The following MORF4L1 variants were observed in gnomAD, a reference collection of about 807,000 sequenced individuals.
MORF4L1 encodes the protein mortality factor 4-like protein 1.
MORF4L1 carries 4 observed loss-of-function variants against 52.9 expected under a neutral mutation model. That is an observed-to-expected ratio of 0.08 (90% confidence interval 0.04 to 0.17). The LOEUF (loss-of-function observed/expected upper bound fraction) is 0.17, where lower values mean the gene tolerates loss of function less well. Ranked by LOEUF, MORF4L1 falls within the 10% of genes least tolerant of loss-of-function variation. The pLI, the probability that MORF4L1 is intolerant of heterozygous loss-of-function variation, is 1.00. For synonymous variants in MORF4L1, 123 were observed against 134.8 expected, an observed-to-expected ratio of 0.91 and a Z score of 0.61; for missense variants, 214 against 390.4, an observed-to-expected ratio of 0.55 and a Z score of 3.81.
chr15:78,885,582 T>C (rs1284394706), intron 3 of MORF4L1, among the ~76,000 whole-genome samples: 1 of 152,238 alleles, frequency 6.6e-6, no homozygotes. Context: ...TGTTTGAGTA[T>C]TGTAGACTTC....
chr15:78,887,800 CAG>C (rs546644928), intron 5 of MORF4L1, among the ~76,000 whole-genome samples: 167 of 152,262 alleles, frequency 1.1e-3, no homozygotes, highest in African/African-American at 3.4e-3. Context: ...TTTTTTGAGA[CAG>C]AGTTTCCCTC....
intron 11 of MORF4L1, among the ~76,000 whole-genome samples, chr15:78,896,191 C>T (rs772402160): frequency 5.9e-5 from 9 of 151,832 alleles, no homozygotes; most frequent in Non-Finnish European, 1.0e-4. Context: ...GTTGGCCAGG[C>T]TGATCTTGAA....
chr15:78,878,648 A>G (rs80355224), intron 2 of MORF4L1, among the ~76,000 whole-genome samples: 1,866 of 152,362 alleles, frequency 0.012, 43 homozygotes, highest in African/African-American at 0.041. Context: ...GTAAAAGCCA[A>G]TATTAAAAAT....
chr15:78,881,189 CTTTTTTT>C (rs570514618), intron 3 of MORF4L1, among the ~76,000 whole-genome samples: 3 of 67,178 alleles, frequency 4.5e-5, no homozygotes, highest in East Asian at 5.8e-4. Context: ...AGAGTTAAGC[CTTTTTTT>C]TTTTTTTTTT....
chr15:78,886,657 A>G (rs896373658), intron 4 of MORF4L1, among the ~76,000 whole-genome samples: 2 of 152,288 alleles, frequency 1.3e-5, no homozygotes, highest in Non-Finnish European at 2.9e-5. Flanking sequence ...ATGTATTTTT[A>G]AAAAAATTAA....
At chr15:78,876,023 C>A (rs887863013) in intron 1 of MORF4L1, among the ~76,000 whole-genome samples, 1 of 151,440 alleles carries the variant, frequency 6.6e-6, no homozygotes, top group Non-Finnish European at 1.5e-5. Flanking sequence ...CTGCAGCCTC[C>A]GCCTCCTGGG....
At chr15:78,876,332 A>G (rs1567298282) in intron 1 of MORF4L1, among the ~76,000 whole-genome samples, 1 of 151,304 alleles carries the variant, frequency 6.6e-6, no homozygotes. Context: ...AATGGCGTGC[A>G]ATATATGTTG....
rs1057485655 is a variant in MORF4L1, at chr15:78,872,908, A to G, written c.-110A>G. ...CGCTGGCAAATCCGGCCCAGGATGT[A>G]GAGCTGGCAGTGCCTGACGGCGCGT... On this transcript the variant is annotated 5_prime_UTR_variant, in exon 1 of 12. The change abolishes the stop of an existing upstream ORF in the 5' untranslated region. Coordinates refer to ENST00000426013, the MANE Select transcript of MORF4L1 (RefSeq NM_006791.4). 3 of 1,477,466 alleles carry G rather than the reference A, an allele frequency of 2.0e-6. No individual in the cohort carries two copies. Among genetic ancestry groups the G allele is most frequent in the African/African-American group, 2.9e-5 (2 of 68,290 alleles). 91.5% of individuals were successfully genotyped at this position (1,477,466 alleles called of 1,614,324 possible).
intron 4 of MORF4L1, chr15:78,886,461 T>C (rs1023736791): frequency 5.9e-6 from 3 of 510,798 alleles, no homozygotes; most frequent in Non-Finnish European, 1.1e-5. Flanking sequence ...AACAGCAGAA[T>C]GTTGTTGGAA....
intron 5 of MORF4L1, chr15:78,890,788 A>AT (rs1011562308): frequency 4.8e-6 from 2 of 416,496 alleles, no homozygotes; most frequent in Non-Finnish European, 7.5e-6. Flanking sequence ...GGCTTGGTTT[A>AT]TTTTTTTCTA....
At chr15:78,874,583 C>CTTTTTTTTTTT (rs56665378) in intron 1 of MORF4L1, among the ~76,000 whole-genome samples, 40 of 112,170 alleles carry the variant, frequency 3.6e-4, no homozygotes, top group African/African-American at 6.2e-4. Flanking sequence ...CTTTTTCTTT[C>CTTTTTTTTTTT]TTTTTTTTTT....
intron 10 of MORF4L1, 52 bp downstream of exon 10, chr15:78,894,282 T>C (rs769199688): frequency 2.1e-6 from 3 of 1,426,284 alleles, no homozygotes; most frequent in South Asian, 2.8e-5. Context: ...GGGTCTTCTC[T>C]AAATGAATAA....
At chr15:78,886,283 G>A (rs1429858138) in intron 4 of MORF4L1, 56 bp downstream of exon 4, 2 of 1,411,362 alleles carry the variant, frequency 1.4e-6, no homozygotes, top group Non-Finnish European at 2.0e-6. Context: ...ATTAATTCTG[G>A]ACATGGAATG....
intron 10 of MORF4L1, chr15:78,894,514 TCTC>T (rs1431192830): frequency 5.4e-6 from 2 of 371,880 alleles, no homozygotes; most frequent in Non-Finnish European, 9.7e-6. Flanking sequence ...GTTCAACAAT[TCTC>T]CTGCCTCAGC....
intron 1 of MORF4L1, among the ~76,000 whole-genome samples, chr15:78,875,602 C>T (rs538452376): frequency 1.3e-5 from 2 of 152,056 alleles, no homozygotes; most frequent in South Asian, 2.1e-4. Context: ...GCCTGGTGAG[C>T]CTGGTGAAAC....
chr15:78,884,538 C>A (rs1309093489), intron 3 of MORF4L1, among the ~76,000 whole-genome samples: 1 of 150,800 alleles, frequency 6.6e-6, no homozygotes, highest in Non-Finnish European at 1.5e-5. Flanking sequence ...ACTCAGGAGG[C>A]TGAGGCAGGA....
At chr15:78,885,022 G>C (rs1160473947) in intron 3 of MORF4L1, 1 of 1,614,148 alleles carries the variant, frequency 6.2e-7, no homozygotes, top group Non-Finnish European at 8.5e-7. Flanking sequence ...TGAGGATATT[G>C]TAGCCCTTTT....
chr15:78,892,390 GT>G, intron 8 of MORF4L1, 77 bp downstream of exon 8: 1 of 943,450 alleles, frequency 1.1e-6, no homozygotes, highest in Non-Finnish European at 1.7e-6. Flanking sequence ...AAAGGAAAAT[GT>G]TATATTGACT....
At chr15:78,892,039 A>G (rs1034706498) in intron 7 of MORF4L1, among the ~76,000 whole-genome samples, 173 bp from the exon 8 acceptor site, 2 of 152,236 alleles carry the variant, frequency 1.3e-5, no homozygotes, top group African/African-American at 4.8e-5. Flanking sequence ...CTTTTCTCCC[A>G]ACAGCGAACC....
Sources: gnomAD v4.1 joint callset for allele counts (sites outside exome capture counted in the v4.1 genomes callset) on GRCh38, gnomAD v4.1.1 for gene constraint, MANE v1.5 for transcripts, NCBI Gene and HGNC (gene_info 2026-07-23, HGNC 2026-07-21) for gene names.